PKD1L1: variants seen among roughly 807,000 people sequenced by gnomAD.
The protein encoded by PKD1L1 is polycystin 1 like 1, transient receptor potential channel interacting.
Under a neutral mutation model 323.4 loss-of-function variants are expected in PKD1L1, and 236 were observed. The observed-to-expected ratio is 0.73, with a 90% CI of 0.66 to 0.81. PKD1L1 has a LOEUF of 0.81. PKD1L1 is among the 40% of genes least tolerant of loss of function. PKD1L1 has a pLI of 0.00. For synonymous variants in PKD1L1, 1,344 were observed against 1,335.0 expected (o/e 1.01, Z -0.15); for missense variants, 3,320 against 3,508.0 (o/e 0.95, Z 1.35).
chr7:47,960,742 A>C, the PKD1L1 span, among the ~76,000 whole-genome samples: 1 of 152,060 alleles, frequency 6.6e-6, no homozygotes, highest in Non-Finnish European at 1.5e-5. Flanking sequence ...TCTCAAAAGA[A>C]GACAAGCAAA....
At position 47,827,331 on chromosome 7, in the gene PKD1L1, G is replaced by A. The variant is rs373271348; in HGVS notation, c.6854+19C>T. 1.5e-5 allele frequency: 23 copies of A among 1,586,190 alleles called. No individual in the cohort carries two copies. In the East Asian group the frequency reaches 2.0e-4, roughly 14 times the overall value. On this transcript the variant is annotated intron_variant, in intron 45 of 56. Transcript: ENST00000289672. ...GAGCTGGAGTGGAGCAAGCCCTCCC[G>A]ACAGAAGCCGCCACCCACCTCAGGG...
At chr7:47,894,371 C>T (rs1378743710) in intron 14 of PKD1L1, among the ~76,000 whole-genome samples, 2 of 152,174 alleles carry the variant, frequency 1.3e-5, no homozygotes, top group Admixed American at 1.3e-4. Context: ...AACCTCCTCC[C>T]TCCACAGTGA....
rs538655107 is a variant in PKD1L1 at position 47,901,197 on chromosome 7, G to C, written c.2064+1182C>G. ...CATTTCTACTAAAAAAATTAGCTAC[G>C]CATGGTGGTGCACACCTGTAATCCC... On this transcript the variant is annotated intron_variant, in intron 13 of 56. Transcript: ENST00000289672. 2.1e-4 allele frequency among the ~76,000 whole-genome samples: 32 copies of C among 151,838 alleles called. No individual in the cohort carries two copies. In the East Asian group the frequency reaches 2.7e-3, roughly 13 times the overall value.
In PKD1L1 at chr7:47,855,157, G is replaced by C. The variant is rs1235268891; in HGVS notation, c.4699C>G (p.Leu1567Val). 20 of 1,613,784 alleles carry C rather than the reference G, an allele frequency of 1.2e-5. No individual in the cohort carries two copies. The highest frequency in any genetic ancestry group is 1.7e-5 in the Non-Finnish European group (20 of 1,179,820). Reference sequence around the variant, plus strand: ...ATACTGAGAAAGGCTCTCCTTACCAGGCCATCCTCCTCCCCAAACTCGACC... The same window carrying C: ...ATACTGAGAAAGGCTCTCCTTACCACGCCATCCTCCTCCCCAAACTCGACC... ...VMVEFGEEDGLDNRRNKTTFV... is the reference protein window; with the variant it reads ...VMVEFGEEDGVDNRRNKTTFV... The change falls in exon 29 of 57, where the codon CTG (leucine) becomes GTG (valine). Residue 1567 changes from leucine to valine, a missense_variant and splice_region_variant. Transcript: ENST00000289672.
chr7:47,785,137 G>A (rs1786778957), intron 56 of PKD1L1, among the ~76,000 whole-genome samples: 1 of 152,084 alleles, frequency 6.6e-6, no homozygotes, highest in Non-Finnish European at 1.5e-5. Flanking sequence ...TGAAGTCTGG[G>A]AACTATGGGG....
At chr7:47,796,215 C>A in intron 54 of PKD1L1, 65 bp from the exon 55 acceptor site, 7 of 1,347,380 alleles carry the variant, frequency 5.2e-6, no homozygotes, top group South Asian at 2.8e-5. Context: ...GCTTTGTTAA[C>A]GTGATAAACT....
the PKD1L1 span, among the ~76,000 whole-genome samples, chr7:47,957,862 A>ATATATATATATATATATATATAT: frequency 1.6e-4 from 22 of 134,690 alleles, no homozygotes; most frequent in East Asian, 1.4e-3. Context: ...ATTAAAAAAA[A>ATATATATATATATATATATATAT]ATATATATAT....
Position 47,905,879 on chromosome 7 carries a change from C to T in PKD1L1, c.1486G>A (p.Ala496Thr). 1.2e-6 allele frequency: 2 copies of T among 1,613,506 alleles called. No individual in the cohort carries two copies. The highest frequency in any genetic ancestry group is 1.7e-6 in the Non-Finnish European group (2 of 1,179,918). The change falls in exon 10 of 57, where the codon GCT (alanine) becomes ACT (threonine). Residue 496 changes from alanine (A) to threonine (T), a missense_variant. By Grantham distance (58) the Ala-to-Thr change is moderately conservative. Transcript: ENST00000289672. ...ISQTQVGDSQ[A>T]WHSMTVWYKM... ...TACCAGACAGTCATGCTGTGCCAAG[C>T]CTGGCTGTCACCCACTTGAGTCTGA...
chr7:47,883,305 T>A (rs531217486), intron 19 of PKD1L1, among the ~76,000 whole-genome samples: 1 of 152,220 alleles, frequency 6.6e-6, no homozygotes, highest in Non-Finnish European at 1.5e-5. Flanking sequence ...CTGCAATGTG[T>A]CTTTGATTTG....
chr7:47,858,579 C>T (rs953966488), intron 27 of PKD1L1, 94 bp downstream of exon 27: 9 of 1,169,704 alleles, frequency 7.7e-6, no homozygotes, highest in Middle Eastern at 2.0e-4. Flanking sequence ...GAAACTGATT[C>T]TGTTTTTGGT....
chr7:47,795,839 A>T, intron 55 of PKD1L1, 150 bp downstream of exon 55: 2 of 899,202 alleles, frequency 2.2e-6, no homozygotes, highest in Non-Finnish European at 3.5e-6. Context: ...CATGAGTTCC[A>T]CTATGATTGA....
intron 54 of PKD1L1, among the ~76,000 whole-genome samples, chr7:47,799,546 G>T (rs928341751): frequency 6.6e-6 from 1 of 152,200 alleles, no homozygotes; most frequent in African/African-American, 2.4e-5. Context: ...TGTGGCTAGA[G>T]TTCAAAAGCA....
At chr7:47,784,650 T>C (rs1031352706) in intron 56 of PKD1L1, among the ~76,000 whole-genome samples, 1 of 152,120 alleles carries the variant, frequency 6.6e-6, no homozygotes, top group Admixed American at 6.6e-5. Context: ...TTTTTGTATT[T>C]TTAGTAGAAA....
Position 47,836,977 on chromosome 7 carries a change from G to A in PKD1L1, c.5887C>T (p.Leu1963=), listed in dbSNP as rs1336881550. ...GTGAGACACGCGTAGACGCACAGCA[G>A]GGAGAAGGACACGGTGAGGCGCGGC... is the stretch of plus-strand genomic sequence containing the variant. ...HTPRLTVSFS[L]LCVYACLTAL... Residue 1963 remains leucine (L), a synonymous_variant, in exon 37 of 57, where the codon CTG becomes TTG. Coordinates refer to ENST00000289672, the MANE Select transcript of PKD1L1 (RefSeq NM_138295.5). 1 of 1,614,230 alleles carries A rather than the reference G, an allele frequency of 6.2e-7. No individual in the cohort carries two copies. Among genetic ancestry groups the A allele is most frequent in the East Asian group, 2.2e-5 (1 of 44,888 alleles).
intron 14 of PKD1L1, among the ~76,000 whole-genome samples, chr7:47,894,870 A>AT (rs1554408941): frequency 4.6e-5 from 7 of 150,718 alleles, no homozygotes; most frequent in African/African-American, 1.7e-4. Context: ...AAAAAAAAAA[A>AT]CTGACGCAAT....
chr7:47,904,373 C>T lies in PKD1L1; in HGVS notation c.1931+5G>A. On this transcript the variant is annotated splice_donor_5th_base_variant and intron_variant, in intron 12 of 56. Transcript: ENST00000289672. ...AGAGCACTCCGCCGCCTTGCAGTGG[C>T]TCACCTACTGTAGACATGGCTGCTG... The T allele has an allele frequency of 6.2e-7, 1 of 1,614,012 alleles. No homozygotes were observed. The highest frequency in any genetic ancestry group is 1.1e-5 in the South Asian group (1 of 91,084).
rs141571543 is a variant in PKD1L1, at chr7:47,829,434, C to T, written c.6726G>A (p.Glu2242=). 7 of 1,586,946 alleles carry T rather than the reference C, an allele frequency of 4.4e-6. No individual in the cohort carries two copies. In the African/African-American group the frequency reaches 8.2e-5, roughly 19 times the overall value. ...SSCSIPDCAG[E]VEKVLAARQQ... ...AGGTAATTTTTTTTACTTTTTCAAC[C>T]TCGCCTGCACAGTCAGGAATACTGC... Residue 2242 remains glutamate (E), a synonymous_variant, in exon 44 of 57, where the codon GAG becomes GAA. Transcript: ENST00000289672.
chr7:47,959,144 A>T, the PKD1L1 span, among the ~76,000 whole-genome samples: 1 of 152,118 alleles, frequency 6.6e-6, no homozygotes, highest in African/African-American at 2.4e-5. Context: ...CCCAGGCTGG[A>T]GTGCAGTGGC....
At chr7:47,884,545 G>T in intron 19 of PKD1L1, 53 bp downstream of exon 19, 1 of 1,497,740 alleles carries the variant, frequency 6.7e-7, no homozygotes, top group Non-Finnish European at 9.3e-7. Flanking sequence ...TTGCAGAAAG[G>T]CTGTGGAGGA....
Sources: gnomAD v4.1 joint callset for allele counts (sites outside exome capture counted in the v4.1 genomes callset) on GRCh38, gnomAD v4.1.1 for gene constraint, MANE v1.5 for transcripts, NCBI Gene and HGNC (gene_info 2026-07-23, HGNC 2026-07-21) for gene names.